The following MINK1 variants were observed in gnomAD, a reference collection of about 807,000 sequenced individuals.
MINK1 encodes misshapen like kinase 1.
In MINK1, 46 loss-of-function variants were observed where a neutral mutation model predicts 178.4. The observed-to-expected ratio is 0.26, with a 90% CI of 0.20 to 0.33. The LOEUF is 0.33. Ranked by LOEUF, MINK1 falls within the 10% of genes least tolerant of loss-of-function variation. The pLI, the probability that MINK1 is intolerant of heterozygous loss-of-function variation, is 1.00. For missense variants in MINK1, 1,366 were observed against 1,814.9 expected (o/e 0.75, Z 4.49); for synonymous variants, 797 against 709.7 (o/e 1.12, Z -1.96).
At chr17:4,897,095 T>A in intron 31 of MINK1, 109 bp from the exon 32 acceptor site, 1 of 989,366 alleles carries the variant, frequency 1.0e-6, no homozygotes, top group South Asian at 1.5e-5. Context: ...CTGCAGTCTC[T>A]GTGTCTCCCT....
rs1421224288 is a variant in MINK1, at chr17:4,895,058, C to T, written c.2918-17C>T. 7 of 1,612,634 alleles carry T rather than the reference C, an allele frequency of 4.3e-6. 1 individual carries two copies. The highest frequency in any genetic ancestry group is 2.2e-5 in the South Asian group (2 of 91,074). On this transcript the variant is annotated splice_polypyrimidine_tract_variant and intron_variant, in intron 24 of 31. Coordinates refer to ENST00000355280, the MANE Select transcript of MINK1 (RefSeq NM_153827.5). This position sits in a 1 kb window ranked among gnomAD's most constrained non-coding sequence, Gnocchi z 4.3. The stretch of plus-strand genomic sequence containing the variant: ...GAAGCTGCAGCCCCTCCTCCCACCT[C>T]CTCCTCCTTCTGGCAGCCCTAGTGG...
chr17:4,886,960 C>A lies in MINK1; in HGVS notation c.950-150C>A, dbSNP rs1230960777. The A allele has an allele frequency of 2.7e-6, 2 of 747,210 alleles. No individual in the cohort carries two copies. The highest frequency in any genetic ancestry group is 1.7e-5 in the African/African-American group (1 of 57,220). The allele number at this position is 747,210 out of a possible 1,614,324, so 46.3% of individuals were successfully genotyped here. On this transcript the variant is annotated intron_variant, in intron 10 of 31. Coordinates refer to ENST00000355280, the MANE Select transcript of MINK1 (RefSeq NM_153827.5). The surrounding 1 kb of genome is among the most constrained non-coding windows in gnomAD (Gnocchi z 6.1). Reference sequence around the variant, plus strand: ...GTCCTGTCCAGGCCCACACCTGAGACCCGCTGTCCTCCCATTGCCCCCAGG... The same window carrying A: ...GTCCTGTCCAGGCCCACACCTGAGAACCGCTGTCCTCCCATTGCCCCCAGG...
chr17:4,865,985 T>C (rs1914902746), intron 1 of MINK1, among the ~76,000 whole-genome samples: 1 of 152,094 alleles, frequency 6.6e-6, no homozygotes, highest in Non-Finnish European at 1.5e-5. Flanking sequence ...AATTACACAA[T>C]TAATTGTAGA....
In MINK1 at chr17:4,885,750, C is replaced by A; in HGVS notation, c.639+137C>A. 1 of 1,412,250 alleles carries A rather than the reference C, an allele frequency of 7.1e-7. No individual in the cohort carries two copies. The highest frequency in any genetic ancestry group is 9.7e-7 in the Non-Finnish European group (1 of 1,032,572). 87.5% of individuals were successfully genotyped at this position (1,412,250 alleles called of 1,614,324 possible). On this transcript the variant is annotated intron_variant, in intron 7 of 31. Coordinates refer to ENST00000355280, the MANE Select transcript of MINK1 (RefSeq NM_153827.5). This position sits in a 1 kb window ranked among gnomAD's most constrained non-coding sequence, Gnocchi z 5.0. ...TGAGGGGCTGGGGAACATCTTACGGCAAGGCAAGTGTGGGTGGGAAGATGG... is the reference window on the plus strand; with the variant it reads ...TGAGGGGCTGGGGAACATCTTACGGAAAGGCAAGTGTGGGTGGGAAGATGG...
At chr17:4,892,367 G>T (rs766559836) in intron 17 of MINK1, 35 bp from the exon 18 acceptor site, 2 of 761,148 alleles carry the variant, frequency 2.6e-6, no homozygotes, top group Non-Finnish European at 3.7e-6. Flanking sequence ...GCGCCCCCCC[G>T]CCGCCCCCTC....
At chr17:4,866,144 G>A (rs1185451968) in intron 1 of MINK1, among the ~76,000 whole-genome samples, 1 of 152,120 alleles carries the variant, frequency 6.6e-6, no homozygotes, top group Non-Finnish European at 1.5e-5. Context: ...CAGCCTCATG[G>A]AGTGTGGACC....
intron 1 of MINK1, among the ~76,000 whole-genome samples, chr17:4,846,933 C>G (rs932524736): frequency 6.6e-6 from 1 of 152,202 alleles, no homozygotes; most frequent in African/African-American, 2.4e-5. Flanking sequence ...GCCGCATTGC[C>G]CAGTCCCCAC....
At chr17:4,897,156 A>AG in intron 31 of MINK1, 48 bp from the exon 32 acceptor site, 1 of 1,512,974 alleles carries the variant, frequency 6.6e-7, no homozygotes, top group Non-Finnish European at 9.1e-7. Flanking sequence ...CAGTTGAGAC[A>AG]CCCCCCCAAC....
intron 15 of MINK1, 142 bp downstream of exon 15, chr17:4,891,266 T>C (rs1046767880): frequency 8.6e-7 from 1 of 1,167,180 alleles, no homozygotes; most frequent in Non-Finnish European, 1.2e-6. Flanking sequence ...ACAGGCTTTG[T>C]GGACAGACTC....
At chr17:4,843,161 G>A (rs1910507547) in intron 1 of MINK1, among the ~76,000 whole-genome samples, 1 of 152,130 alleles carries the variant, frequency 6.6e-6, no homozygotes, top group Admixed American at 6.6e-5. Context: ...CAGGGTAGGG[G>A]GAACAGGCAG....
chr17:4,844,481 A>T, intron 1 of MINK1: 1 of 460,852 alleles, frequency 2.2e-6, no homozygotes, highest in Non-Finnish European at 4.4e-6. Context: ...ACTGCCCTCC[A>T]GGAGCACTTG....
chr17:4,897,537 C>A lies in MINK1; in HGVS notation c.*250C>A, dbSNP rs751232934. 94 of 494,266 alleles carry A rather than the reference C, an allele frequency of 1.9e-4. No individual in the cohort carries two copies. Among genetic ancestry groups the A allele is most frequent in the Non-Finnish European group, 3.0e-4 (84 of 275,424 alleles). 30.6% of individuals were successfully genotyped at this position (494,266 alleles called of 1,614,324 possible). A position where few individuals can be genotyped will look rare whatever the true frequency, so the allele number is the denominator to read the frequency against. On this transcript the variant is annotated 3_prime_UTR_variant, in exon 32 of 32. Coordinates refer to ENST00000355280, the MANE Select transcript of MINK1 (RefSeq NM_153827.5). Reference sequence around the variant, plus strand: ...CTGGGGAGGGACACAGCTTCCCCTTCCCAGGAATTGAGTGGGCCTAGCCCC... The same window carrying A: ...CTGGGGAGGGACACAGCTTCCCCTTACCAGGAATTGAGTGGGCCTAGCCCC...
chr17:4,882,349 G>T (rs1414412727), intron 4 of MINK1, among the ~76,000 whole-genome samples: 1 of 152,236 alleles, frequency 6.6e-6, no homozygotes, highest in East Asian at 1.9e-4. Flanking sequence ...TTTCCAGGAA[G>T]ACTGGTTGGA....
chr17:4,862,267 G>A (rs1914277532), intron 1 of MINK1, among the ~76,000 whole-genome samples: 1 of 152,166 alleles, frequency 6.6e-6, no homozygotes, highest in South Asian at 2.1e-4. Context: ...GTTTGACCTT[G>A]GCAAGTTATT....
intron 12 of MINK1, 117 bp from the exon 13 acceptor site, chr17:4,889,530 C>T (rs905881869): frequency 3.2e-5 from 28 of 885,564 alleles, no homozygotes; most frequent in Non-Finnish European, 4.5e-5. Context: ...AAGCGGAAGC[C>T]GGTCTCTCTT....
intron 1 of MINK1, chr17:4,861,611 C>T: frequency 4.2e-6 from 1 of 239,148 alleles, no homozygotes; most frequent in Non-Finnish European, 8.9e-6. Context: ...AGCGATTCTC[C>T]TGCCCCAGCC....
chr17:4,889,659 G>T lies in MINK1; in HGVS notation c.1243G>T (p.Glu415Ter). The T allele has an allele frequency of 6.4e-7, 1 of 1,567,668 alleles. No homozygotes were observed. The highest frequency in any genetic ancestry group is 2.4e-5 in the East Asian group (1 of 42,074). ...GCTCTCCCCACAGCAACAGCGGCGG[G>T]AGCGGGAGCAGCGGAAGCTGCAGGA... The part of the protein sequence containing the change: ...RRRVEEQQRR[E>*]REQRKLQEKE... The change falls in exon 13 of 32, where the codon GAG becomes TAG. Residue 415 changes from glutamate to a stop codon, truncating the protein, a stop_gained. Transcript: ENST00000355280. LOFTEE classifies it high-confidence loss of function.
chr17:4,894,950 C>A lies in MINK1; in HGVS notation c.2918-125C>A, dbSNP rs1385344789. 9.3e-7 allele frequency: 1 copy of A among 1,072,266 alleles called. No individual in the cohort carries two copies. Among genetic ancestry groups the A allele is most frequent in the Non-Finnish European group, 1.3e-6 (1 of 744,682 alleles). The allele number at this position is 1,072,266 out of a possible 1,614,324, so 66.4% of individuals were successfully genotyped here. A position where few individuals can be genotyped will look rare whatever the true frequency, so the allele number is the denominator to read the frequency against. ...TCCCCCTCTCCCATGCACCTCCTCT[C>A]CTCCTGTCTTTCTCCTCCTTTCTGC... is the stretch of plus-strand genomic sequence containing the variant. On this transcript the variant is annotated intron_variant, in intron 24 of 31. Coordinates refer to ENST00000355280, the MANE Select transcript of MINK1 (RefSeq NM_153827.5). The surrounding 1 kb of genome is among the most constrained non-coding windows in gnomAD (Gnocchi z 4.1).
intron 1 of MINK1, among the ~76,000 whole-genome samples, chr17:4,838,220 CA>C (rs1228161049): frequency 6.6e-6 from 1 of 152,180 alleles, no homozygotes; most frequent in African/African-American, 2.4e-5. Context: ...GCTGCCTTGG[CA>C]AAATGACGGA....
Sources: allele counts gnomAD v4.1 joint callset (sites outside exome capture counted in the v4.1 genomes callset), GRCh38; gene constraint gnomAD v4.1.1; non-coding constraint Gnocchi (gnomAD v3.1); transcripts MANE v1.5; gene names NCBI Gene and HGNC (gene_info 2026-07-23, HGNC 2026-07-21).